The following TMEM170A variants were observed in gnomAD, a reference collection of about 807,000 sequenced individuals.
TMEM170A encodes the protein transmembrane protein 170.
In TMEM170A, 18 loss-of-function variants were observed where a neutral mutation model predicts 12.8. That is an observed-to-expected ratio of 1.41 (90% CI 0.97 to 2.09). The LOEUF (loss-of-function observed/expected upper bound fraction) is 2.09. TMEM170A is among the 30% of genes most tolerant of loss of function. The pLI is 0.00. For synonymous variants in TMEM170A, 107 were observed against 76.2 expected, an observed-to-expected ratio of 1.40 and a Z score of -2.11; for missense variants, 220 against 179.9, an observed-to-expected ratio of 1.22 and a Z score of -1.28.
At chr16:75,450,466 T>G (rs998124193) in intron 2 of TMEM170A, among the ~76,000 whole-genome samples, 18 of 152,198 alleles carry the variant, frequency 1.2e-4, no homozygotes, top group African/African-American at 4.3e-4. Flanking sequence ...TGCATGAGCT[T>G]TGAAATGATT....
rs2079962438 is a variant in TMEM170A, at chr16:75,464,449, G to A, written c.133+19C>T. Reference sequence around the variant, plus strand: ...GCGACGGCGGGGCGCGCAGTGCGCAGGCGCGGGGCGGGCCGTACCTGGGAA... The same window carrying A: ...GCGACGGCGGGGCGCGCAGTGCGCAAGCGCGGGGCGGGCCGTACCTGGGAA... On this transcript the variant is annotated intron_variant, in intron 1 of 2. Transcript: ENST00000561878. The A allele has an allele frequency of 2.1e-6, 3 of 1,452,192 alleles. No individual in the cohort carries two copies. Among genetic ancestry groups the A allele is most frequent in the African/African-American group, 1.5e-5 (1 of 67,416 alleles). 90.0% of individuals were successfully genotyped at this position (1,452,192 alleles called of 1,614,324 possible).
intron 2 of TMEM170A, among the ~76,000 whole-genome samples, chr16:75,448,962 G>A (rs12927562): frequency 0.52 from 78,576 of 151,602 alleles, 21,368 homozygotes; most frequent in Admixed American, 0.63. Context: ...TTGGGTGGCT[G>A]AGGTAGGGGG....
chr16:75,464,110 G>C, intron 1 of TMEM170A: 1 of 1,132,424 alleles, frequency 8.8e-7, no homozygotes, highest in Non-Finnish European at 1.2e-6. Context: ...GGGCAACCCA[G>C]GCAGGGCGGG....
In TMEM170A at chr16:75,451,813, C is replaced by T. The variant is rs767653346; in HGVS notation, c.160G>A (p.Ala54Thr). 6.2e-7 allele frequency: 1 copy of T among 1,613,434 alleles called. No individual in the cohort carries two copies. Among genetic ancestry groups the T allele is most frequent in the Non-Finnish European group, 8.5e-7 (1 of 1,179,694 alleles). The stretch of plus-strand genomic sequence containing the variant: ...TGAAAGAAGAGAGAAGACACCAGTG[C>T]CCACAGGAATACACCATACCACATC... ...PEMWYGVFLW[A>T]LVSSLFFHVP... The change falls in exon 2 of 3, where the codon GCA (alanine) becomes ACA (threonine). Residue 54 changes from alanine (A) to threonine (T), a missense_variant. Physicochemically the swap from Ala to Thr is moderately conservative, Grantham distance 58. Coordinates refer to ENST00000561878, the MANE Select transcript of TMEM170A (RefSeq NM_145254.3).
At chr16:75,452,355 A>G (rs1176183779) in intron 1 of TMEM170A, among the ~76,000 whole-genome samples, 1 of 150,862 alleles carries the variant, frequency 6.6e-6, no homozygotes, top group Non-Finnish European at 1.5e-5. Context: ...TGCAGCCTTG[A>G]CCTCCTAGGT....
chr16:75,462,465 TC>T (rs2079925455), intron 1 of TMEM170A, among the ~76,000 whole-genome samples: 1 of 152,228 alleles, frequency 6.6e-6, no homozygotes, highest in Non-Finnish European at 1.5e-5. Flanking sequence ...TGCCTCAGCC[TC>T]CCAAAGTGCT....
chr16:75,454,045 G>A (rs1003119442), intron 1 of TMEM170A, among the ~76,000 whole-genome samples: 1 of 152,212 alleles, frequency 6.6e-6, no homozygotes, highest in Non-Finnish European at 1.5e-5. Context: ...CTTGGCTAGA[G>A]GCAGGTAAGT....
In TMEM170A at chr16:75,451,699, C is replaced by T. The variant is rs1002464943; in HGVS notation, c.274G>A (p.Val92Met). 8 of 1,614,158 alleles carry T rather than the reference C, an allele frequency of 5.0e-6. No homozygotes were observed. The Admixed American group carries it at 5.0e-5, about 10-fold the overall frequency. The change falls in exon 2 of 3, where the codon GTG (valine) becomes ATG (methionine). Residue 92 changes from valine (V) to methionine (M), a missense_variant. Transcript: ENST00000561878. ...AAGATTCCAGCAGTAATTGGTCCCA[C>T]GATGCCCATCAACAGGATGCTTACA... ...MSVSILLMGIVGPITAGILTS... is the reference protein window; with the variant it reads ...MSVSILLMGIMGPITAGILTS...
chr16:75,449,732 A>C (rs1209368490), intron 2 of TMEM170A, among the ~76,000 whole-genome samples: 1 of 152,214 alleles, frequency 6.6e-6, no homozygotes, highest in East Asian at 1.9e-4. Context: ...GCCCAGCTCC[A>C]CTGGCAATGC....
In TMEM170A at chr16:75,447,464, C is replaced by A; in HGVS notation, c.*94G>T. On this transcript the variant is annotated 3_prime_UTR_variant, in exon 3 of 3. Transcript: ENST00000561878. ...GTTCCTGTTCATCCAAGTTGCTTCC[C>A]TTTGAAGAACTAAGAAAACACTACA... 3 of 1,362,472 alleles carry A rather than the reference C, an allele frequency of 2.2e-6. No homozygotes were observed. Among genetic ancestry groups the A allele is most frequent in the Non-Finnish European group, 2.9e-6 (3 of 1,040,426 alleles). The allele number at this position is 1,362,472 out of a possible 1,614,324, so 84.4% of individuals were successfully genotyped here. A position where few individuals can be genotyped will look rare whatever the true frequency, so the allele number is the denominator to read the frequency against.
chr16:75,446,380 A>C lies in TMEM170A; in HGVS notation c.*1178T>G, dbSNP rs1433457680. The C allele has an allele frequency of 6.6e-6, 1 of 152,228 alleles. No homozygotes were observed. The allele number at this position is 152,228 out of a possible 1,614,324, so 9.4% of individuals were successfully genotyped here. A position where few individuals can be genotyped will look rare whatever the true frequency, so the allele number is the denominator to read the frequency against. On this transcript the variant is annotated 3_prime_UTR_variant, in exon 3 of 3. Transcript: ENST00000561878. ...CTTTTAATGAAAAAGAAAGTTAGGC[A>C]GTAGAATAAAAATTTAAATAGCTAA...
At chr16:75,451,014 C>A (rs1232969313) in intron 2 of TMEM170A, among the ~76,000 whole-genome samples, 1 of 152,184 alleles carries the variant, frequency 6.6e-6, no homozygotes, top group Non-Finnish European at 1.5e-5. Flanking sequence ...ACCACACCCA[C>A]ATGAGTGGAA....
intron 1 of TMEM170A, among the ~76,000 whole-genome samples, chr16:75,459,658 A>G (rs999903733): frequency 6.6e-6 from 1 of 152,016 alleles, no homozygotes; most frequent in Non-Finnish European, 1.5e-5. Context: ...GGAGTTCAAG[A>G]CCAGCCTGGC....
intron 1 of TMEM170A, among the ~76,000 whole-genome samples, chr16:75,452,941 C>T (rs574170935): frequency 3.2e-4 from 49 of 152,270 alleles, no homozygotes; most frequent in Non-Finnish European, 6.2e-4. Flanking sequence ...ACTTATTCAA[C>T]CCATGCCCTT....
At chr16:75,450,516 C>T (rs1400873842) in intron 2 of TMEM170A, among the ~76,000 whole-genome samples, 1 of 152,042 alleles carries the variant, frequency 6.6e-6, no homozygotes, top group Non-Finnish European at 1.5e-5. Flanking sequence ...TTTCTTATCC[C>T]ATAAGCAAAA....
rs2079562944 is a variant in TMEM170A at position 75,445,193 on chromosome 16, A to C, written c.*2365T>G. 1 of 152,248 alleles carries C rather than the reference A, an allele frequency of 6.6e-6. No homozygotes were observed. The highest frequency in any genetic ancestry group is 2.4e-5 in the African/African-American group (1 of 41,462). The allele number at this position is 152,248 out of a possible 1,614,324, so 9.4% of individuals were successfully genotyped here. ...CTAGAATTTTTACAATTTGCCTGTG[A>C]GAAAGATTTGAGCTTCTTGTTAGGG... On this transcript the variant is annotated 3_prime_UTR_variant, in exon 3 of 3. Transcript: ENST00000561878.
At chr16:75,451,947 T>A in intron 1 of TMEM170A, 108 bp from the exon 2 acceptor site, 1 of 1,071,640 alleles carries the variant, frequency 9.3e-7, no homozygotes, top group Non-Finnish European at 1.3e-6. Flanking sequence ...CGTTTCTTTT[T>A]TCCTTTTTTT....
In TMEM170A at chr16:75,446,704, T is replaced by C. The variant is rs921338299; in HGVS notation, c.*854A>G. On this transcript the variant is annotated 3_prime_UTR_variant, in exon 3 of 3. Transcript: ENST00000561878. ...ATGACAGAATGCCTAAAGTATCTTA[T>C]GTGTGCCTCAATGTCCAAACAAATC... 2 of 152,370 alleles carry C rather than the reference T, an allele frequency of 1.3e-5. No individual in the cohort carries two copies. Among genetic ancestry groups the C allele is most frequent in the African/African-American group, 4.8e-5 (2 of 41,592 alleles). The allele number at this position is 152,370 out of a possible 1,614,324, so 9.4% of individuals were successfully genotyped here. A position where few individuals can be genotyped will look rare whatever the true frequency, so the allele number is the denominator to read the frequency against.
At chr16:75,456,418 T>C (rs1044387646) in intron 1 of TMEM170A, among the ~76,000 whole-genome samples, 2 of 152,114 alleles carry the variant, frequency 1.3e-5, no homozygotes, top group Admixed American at 6.5e-5. Context: ...CGAAACCGTC[T>C]CGACCAAAAA....
Sources: gnomAD v4.1 joint callset for allele counts (sites outside exome capture counted in the v4.1 genomes callset) on GRCh38, gnomAD v4.1.1 for gene constraint, MANE v1.5 for transcripts, NCBI Gene and HGNC (gene_info 2026-07-23, HGNC 2026-07-21) for gene names.